Variants in MYO19 observed in about 807,000 individuals in gnomAD.
MYO19 encodes myosin XIX.
MYO19 carries 132 observed loss-of-function variants against 129.2 expected under a neutral mutation model. The observed-to-expected ratio is 1.02, with a 90% confidence interval of 0.89 to 1.18. The LOEUF is 1.18. Ranked by LOEUF, MYO19 falls within the 50% of genes most tolerant of loss-of-function variation. MYO19 has a pLI of 0.00. For missense variants in MYO19, 1,210 were observed against 1,216.7 expected, an observed-to-expected ratio of 0.99 and a Z score of 0.08; for synonymous variants, 531 against 477.2, an observed-to-expected ratio of 1.11 and a Z score of -1.47.
intron 8 of MYO19, 94 bp downstream of exon 8, chr17:36,515,019 G>C: frequency 8.9e-7 from 1 of 1,126,128 alleles, no homozygotes; most frequent in Non-Finnish European, 1.3e-6. Flanking sequence ...CAGGGTTTTT[G>C]CCCATAGGGG....
intron 9 of MYO19, 60 bp downstream of exon 9, chr17:36,514,385 GA>G: frequency 3.5e-6 from 4 of 1,145,064 alleles, no homozygotes; most frequent in Non-Finnish European, 5.3e-6. Context: ...GTGGGGGGTT[GA>G]AAAACACGGA....
rs757504208 is a variant in MYO19, at chr17:36,500,825, C to T, written c.2377+5G>A. Reference sequence around the variant, plus strand: ...GCAGTGCTGACAGGTGACCTGCCCACCTACCTGCCTGGATGAGCATGACGG... The same window carrying T: ...GCAGTGCTGACAGGTGACCTGCCCATCTACCTGCCTGGATGAGCATGACGG... On this transcript the variant is annotated splice_donor_5th_base_variant and intron_variant, in intron 23 of 25. Coordinates refer to ENST00000614623, the MANE Select transcript of MYO19 (RefSeq NM_001163735.2). 1 of 1,597,888 alleles carries T rather than the reference C, an allele frequency of 6.3e-7. No homozygotes were observed. The highest frequency in any genetic ancestry group is 1.1e-5 in the South Asian group (1 of 90,706).
At position 36,501,239 on chromosome 17, in the gene MYO19, G is replaced by C. The variant is rs1295916758; in HGVS notation, c.2081-4C>G. 6.2e-7 allele frequency: 1 copy of C among 1,607,612 alleles called. No individual in the cohort carries two copies. Among genetic ancestry groups the C allele is most frequent in the Non-Finnish European group, 8.5e-7 (1 of 1,176,140 alleles). On this transcript the variant is annotated splice_region_variant and splice_polypyrimidine_tract_variant and intron_variant, in intron 21 of 25. Coordinates refer to ENST00000614623, the MANE Select transcript of MYO19 (RefSeq NM_001163735.2). The stretch of plus-strand genomic sequence containing the variant: ...TCCTCGCTGTGTGGACACCATTCTG[G>C]GGGAGGGAGATGGCCCCATCAGTGC...
intron 11 of MYO19, chr17:36,513,220 T>C (rs1405103190): frequency 2.8e-5 from 41 of 1,447,566 alleles, no homozygotes; most frequent in Admixed American, 5.5e-5. Flanking sequence ...GCACTGTGTA[T>C]GCATCACTCT....
rs149202022 is a variant in MYO19, at chr17:36,497,645, C to T, written c.2757+621G>A. 2.0e-3 allele frequency: 1,288 copies of T among 659,672 alleles called. 16 individuals are homozygous for T. The African/African-American group carries it at 0.022, about 11-fold the overall frequency. The allele number at this position is 659,672 out of a possible 1,614,324, so 40.9% of individuals were successfully genotyped here. A position where few individuals can be genotyped will look rare whatever the true frequency, so the allele number is the denominator to read the frequency against. The stretch of plus-strand genomic sequence containing the variant: ...TGTCACCCAGGCTGGAGTGCAGCGG[C>T]GCAATCTCGGCTCACTGCAACCTCT... On this transcript the variant is annotated intron_variant, in intron 25 of 25. Coordinates refer to ENST00000614623, the MANE Select transcript of MYO19 (RefSeq NM_001163735.2).
chr17:36,527,651 T>C lies in MYO19; in HGVS notation c.200A>G (p.Asn67Ser), dbSNP rs778733716. The change falls in exon 5 of 26, where the codon AAT (asparagine) becomes AGT (serine). Residue 67 changes from asparagine to serine, a missense_variant. Coordinates refer to ENST00000614623, the MANE Select transcript of MYO19 (RefSeq NM_001163735.2). Reference sequence around the variant, plus strand: ...CAAGGCTACCAGGGTGCAGCCAGCATTGGTGTAGAATGTGTCTGCCATGTA... The same window carrying C: ...CAAGGCTACCAGGGTGCAGCCAGCACTGGTGTAGAATGTGTCTGCCATGTA... ...ARYMADTFYT[N>S]AGCTLVALNP... 2.5e-5 allele frequency: 41 copies of C among 1,613,806 alleles called. No individual in the cohort carries two copies. The highest frequency in any genetic ancestry group is 3.3e-5 in the South Asian group (3 of 91,078).
At chr17:36,529,675 A>G (rs549592208) in intron 3 of MYO19, among the ~76,000 whole-genome samples, 16 of 152,212 alleles carry the variant, frequency 1.1e-4, no homozygotes, top group South Asian at 4.1e-4. Context: ...GAGCACAGCT[A>G]TATCTATGCA....
chr17:36,507,953 C>T (rs1340111700), intron 14 of MYO19, 29 bp from the exon 15 acceptor site: 1 of 1,572,188 alleles, frequency 6.4e-7, no homozygotes, highest in Non-Finnish European at 8.7e-7. Context: ...ACCCATGGGG[C>T]CACTGCAGGG....
chr17:36,532,501 T>C lies in MYO19; in HGVS notation c.12+26A>G, dbSNP rs199547396. On this transcript the variant is annotated intron_variant, in intron 3 of 25. Coordinates refer to ENST00000614623, the MANE Select transcript of MYO19 (RefSeq NM_001163735.2). Reference sequence around the variant, plus strand: ...CAGATGCTGCAGGTGCTTGAGGGCCTGGGTTATCTAAGGTTGAGGTTTTAC... The same window carrying C: ...CAGATGCTGCAGGTGCTTGAGGGCCCGGGTTATCTAAGGTTGAGGTTTTAC... 52 of 1,553,880 alleles carry C rather than the reference T, an allele frequency of 3.3e-5. No homozygotes were observed. In the Middle Eastern group the frequency reaches 5.0e-4, roughly 15 times the overall value.
chr17:36,538,626 G>A (rs2074176741), upstream of MYO19: 5 of 1,554,024 alleles, frequency 3.2e-6, no homozygotes, highest in Non-Finnish European at 4.4e-6. Context: ...ATCAGCAGGA[G>A]TAGGATATAT....
chr17:36,514,615 G>C (rs2072612603), intron 8 of MYO19, 67 bp from the exon 9 acceptor site: 3 of 1,098,946 alleles, frequency 2.7e-6, no homozygotes, highest in South Asian at 2.6e-5. Context: ...TGGCAATCTG[G>C]GTGTGCCAGA....
chr17:36,496,128 C>T lies in MYO19; in HGVS notation c.*123G>A, dbSNP rs148665479. On this transcript the variant is annotated 3_prime_UTR_variant, in exon 26 of 26. Transcript: ENST00000614623. ...GGGGCTCTGGGTCGAAGGCTGGAGC[C>T]GTCACTGTTGTTCATGTGCATTTGG... The T allele has an allele frequency of 3.6e-5, 48 of 1,337,568 alleles. 1 individual carries two copies. The highest frequency in any genetic ancestry group is 3.5e-4 in the South Asian group (26 of 74,932). The allele number at this position is 1,337,568 out of a possible 1,614,324, so 82.9% of individuals were successfully genotyped here.
chr17:36,531,810 T>C (rs1456893319), intron 3 of MYO19, among the ~76,000 whole-genome samples: 2 of 152,180 alleles, frequency 1.3e-5, no homozygotes, highest in Non-Finnish European at 1.5e-5. Context: ...CACTAGACTC[T>C]GAGCTCCTTG....
intron 6 of MYO19, among the ~76,000 whole-genome samples, chr17:36,521,956 G>A (rs545737656): frequency 1.3e-5 from 2 of 150,876 alleles, no homozygotes; most frequent in East Asian, 2.0e-4. Flanking sequence ...GCTTGAACCC[G>A]GGAGGCGGAG....
chr17:36,531,261 G>A lies in MYO19; in HGVS notation c.12+1266C>T, dbSNP rs142011757. ...ATACAAAAAATTAGCCAGGCGTGGT[G>A]GCCAGCACCAGTAGTCCCAACTACT... is the stretch of plus-strand genomic sequence containing the variant. On this transcript the variant is annotated intron_variant, in intron 3 of 25. Coordinates refer to ENST00000614623, the MANE Select transcript of MYO19 (RefSeq NM_001163735.2). Among the ~76,000 whole-genome samples the A allele has an allele frequency of 2.3e-3, 352 of 151,768 alleles. 1 individual carries two copies. The highest frequency in any genetic ancestry group is 4.3e-3 in the Non-Finnish European group (292 of 67,932).
In MYO19 at chr17:36,514,554, A is replaced by G. The variant is rs1170496462; in HGVS notation, c.618-6T>C. 1.3e-6 allele frequency: 2 copies of G among 1,594,192 alleles called. No individual in the cohort carries two copies. On this transcript the variant is annotated splice_polypyrimidine_tract_variant and splice_region_variant and intron_variant, in intron 8 of 25. Coordinates refer to ENST00000614623, the MANE Select transcript of MYO19 (RefSeq NM_001163735.2). The stretch of plus-strand genomic sequence containing the variant: ...CTCCAGTCATTTGCTGAGCCCTGGG[A>G]CACACACAGGCCAGAGCCCGTTAGT...
At chr17:36,499,398 G>A (rs2142730201) in intron 23 of MYO19, 1 of 337,738 alleles carries the variant, frequency 3.0e-6, no homozygotes, top group Non-Finnish European at 5.8e-6. Flanking sequence ...AGGGGCACTG[G>A]GGAGAAGGAC....
chr17:36,516,388 C>T (rs1327962176), intron 6 of MYO19, among the ~76,000 whole-genome samples: 2 of 151,216 alleles, frequency 1.3e-5, no homozygotes, highest in African/African-American at 4.9e-5. Flanking sequence ...TTTTTTTTTC[C>T]GAGACGGAGT....
chr17:36,502,984 G>A (rs908350209), intron 21 of MYO19, 113 bp downstream of exon 21: 7 of 867,250 alleles, frequency 8.1e-6, no homozygotes, highest in Admixed American at 2.2e-5. Context: ...ACCAAAACCA[G>A]GGCTGTGTTT....
Sources: allele counts gnomAD v4.1 joint callset (sites outside exome capture counted in the v4.1 genomes callset), GRCh38; gene constraint gnomAD v4.1.1; transcripts MANE v1.5; gene names NCBI Gene and HGNC (gene_info 2026-07-23, HGNC 2026-07-21).